INPP4B: variants seen among roughly 807,000 people sequenced by gnomAD.
The protein encoded by INPP4B is inositol polyphosphate-4-phosphatase type II B, also known as inositol polyphosphate 4-phosphatase type II.
Under a neutral mutation model 122.5 loss-of-function variants are expected in INPP4B, and 55 were observed. That is an observed-to-expected ratio of 0.45 (90% CI 0.36 to 0.56). The LOEUF is 0.56. Ranked by LOEUF, INPP4B falls within the 20% of genes least tolerant of loss-of-function variation. INPP4B has a pLI of 0.00. For synonymous variants in INPP4B, 403 were observed against 388.7 expected (o/e 1.04, Z -0.43); for missense variants, 1,000 against 1,097.7 (o/e 0.91, Z 1.26).
chr4:142,333,028 C>CAAA (rs1332980597), intron 7 of INPP4B, among the ~76,000 whole-genome samples: 1 of 125,044 alleles, frequency 8.0e-6, no homozygotes, highest in African/African-American at 3.3e-5. Flanking sequence ...AAAAAAAAAA[C>CAAA]AAAAAAAAAA....
rs77970428 is a variant in INPP4B, at chr4:142,436,823, G to A, written c.-126-5438C>T. Among the ~76,000 whole-genome samples the A allele has an allele frequency of 9.8e-4, 126 of 129,086 alleles. 3 individuals carry two copies. In the East Asian group the frequency reaches 0.026, roughly 26 times the overall value. 84.7% of individuals were successfully genotyped at this position (129,086 alleles called of 152,430 possible). On this transcript the variant is annotated intron_variant, in intron 3 of 25. Transcript: ENST00000262992. Reference sequence around the variant, plus strand: ...GAAAGAATCAATAAAAAAAAAAAAAGATGAAAACCCCAAAGGCCAGAGTGC... The same window carrying A: ...GAAAGAATCAATAAAAAAAAAAAAAAATGAAAACCCCAAAGGCCAGAGTGC...
intron 2 of INPP4B, among the ~76,000 whole-genome samples, chr4:142,653,209 T>C (rs1753393987): frequency 6.6e-6 from 1 of 152,136 alleles, no homozygotes; most frequent in Admixed American, 6.5e-5. Flanking sequence ...TTACACCTTA[T>C]ACAAAACTGA....
chr4:142,415,736 A>G (rs902021328), intron 5 of INPP4B, among the ~76,000 whole-genome samples: 1 of 152,226 alleles, frequency 6.6e-6, no homozygotes, highest in African/African-American at 2.4e-5. Flanking sequence ...CACAATAGCA[A>G]AGACTTGGAA....
At chr4:142,797,724 T>C (rs1177807743) in intron 1 of INPP4B, among the ~76,000 whole-genome samples, 1 of 151,882 alleles carries the variant, frequency 6.6e-6, no homozygotes, top group East Asian at 1.9e-4. Flanking sequence ...TATCATTAAA[T>C]GTTATAAAAT....
rs141448933 is a variant in INPP4B, at chr4:142,350,928, C to G, written c.373-36166G>C. Among the ~76,000 whole-genome samples, 509 of 152,078 alleles carry G rather than the reference C, an allele frequency of 3.3e-3. 5 individuals carry two copies. Among genetic ancestry groups the G allele is most frequent in the African/African-American group, 0.012 (486 of 41,534 alleles). On this transcript the variant is annotated intron_variant, in intron 7 of 25. Transcript: ENST00000262992. ...ATGGCTCTATGTTAGGCTCTTCTAA[C>G]AGGGAGCCCAGATGGAAACTGAAAA...
chr4:142,807,088 A>T (rs1778959985), intron 1 of INPP4B, among the ~76,000 whole-genome samples: 1 of 152,216 alleles, frequency 6.6e-6, no homozygotes, highest in African/African-American at 2.4e-5. Context: ...GTAAGCATCT[A>T]GAAATGATGC....
chr4:142,515,544 G>A (rs961452481), intron 2 of INPP4B, among the ~76,000 whole-genome samples: 2 of 152,086 alleles, frequency 1.3e-5, no homozygotes, highest in Admixed American at 6.5e-5. Flanking sequence ...ACTAAGTCCT[G>A]CACCCAAGGG....
intron 2 of INPP4B, among the ~76,000 whole-genome samples, chr4:142,510,933 T>A (rs974152342): frequency 7.2e-5 from 11 of 152,124 alleles, no homozygotes; most frequent in Non-Finnish European, 1.6e-4. Flanking sequence ...ATTTTTTACT[T>A]CCAAATTTTC....
chr4:142,528,935 T>C (rs1426726907), intron 2 of INPP4B, among the ~76,000 whole-genome samples: 3 of 152,146 alleles, frequency 2.0e-5, no homozygotes, highest in Admixed American at 1.3e-4. Context: ...TTACAGAATT[T>C]GAATATTTGA....
chr4:142,410,244 G>T (rs928528502), intron 5 of INPP4B, among the ~76,000 whole-genome samples: 1 of 152,204 alleles, frequency 6.6e-6, no homozygotes, highest in East Asian at 1.9e-4. Flanking sequence ...GACAAGGGGG[G>T]TGTCAACAAG....
At chr4:142,453,422 T>C (rs980294282) in intron 3 of INPP4B, among the ~76,000 whole-genome samples, 1 of 152,186 alleles carries the variant, frequency 6.6e-6, no homozygotes, top group African/African-American at 2.4e-5. Context: ...GACTAAATTG[T>C]CTATAGTTTC....
chr4:142,747,050 C>A (rs1025963373), intron 1 of INPP4B, among the ~76,000 whole-genome samples: 2 of 152,130 alleles, frequency 1.3e-5, no homozygotes, highest in African/African-American at 2.4e-5. Flanking sequence ...AGAGCTTCTG[C>A]ACAGTGAAAG....
At chr4:142,111,098 C>T (rs1789795823) in intron 22 of INPP4B, among the ~76,000 whole-genome samples, 1 of 152,030 alleles carries the variant, frequency 6.6e-6, no homozygotes, top group Non-Finnish European at 1.5e-5. Context: ...TAATCTAATC[C>T]TAGAAACTAG....
chr4:142,148,215 A>G (rs1314535288), intron 17 of INPP4B, among the ~76,000 whole-genome samples: 1 of 152,078 alleles, frequency 6.6e-6, no homozygotes, highest in Non-Finnish European at 1.5e-5. Context: ...GCTGTTGCCC[A>G]TGTTGAAAGG....
At chr4:142,735,382 A>T (rs1194628081) in intron 1 of INPP4B, among the ~76,000 whole-genome samples, 1 of 152,148 alleles carries the variant, frequency 6.6e-6, no homozygotes, top group African/African-American at 2.4e-5. Context: ...AAATTTTTAG[A>T]AATAACATTA....
At chr4:142,517,533 T>G (rs1397681050) in intron 2 of INPP4B, among the ~76,000 whole-genome samples, 1 of 152,184 alleles carries the variant, frequency 6.6e-6, no homozygotes, top group African/African-American at 2.4e-5. Context: ...GGTGCATCCT[T>G]GCACTCCCTT....
chr4:142,294,852 A>T (rs1277417157), intron 9 of INPP4B, among the ~76,000 whole-genome samples: 1 of 148,526 alleles, frequency 6.7e-6, no homozygotes, highest in Non-Finnish European at 1.5e-5. Context: ...AAAAAAAAAA[A>T]AAAAGGCAGA....
intron 17 of INPP4B, among the ~76,000 whole-genome samples, chr4:142,153,487 A>G (rs965490448): frequency 2.6e-5 from 4 of 152,202 alleles, no homozygotes; most frequent in Non-Finnish European, 5.9e-5. Context: ...GCAAGTTTGT[A>G]TATTCATTAT....
intron 2 of INPP4B, among the ~76,000 whole-genome samples, chr4:142,636,121 C>T (rs1749105253): frequency 6.6e-6 from 1 of 152,010 alleles, no homozygotes; most frequent in South Asian, 2.1e-4. Flanking sequence ...GGGGCTTCTC[C>T]TTTCACTCAG....
Sources: gnomAD v4.1 joint callset for allele counts (sites outside exome capture counted in the v4.1 genomes callset) on GRCh38, gnomAD v4.1.1 for gene constraint, MANE v1.5 for transcripts, NCBI Gene and HGNC (gene_info 2026-07-23, HGNC 2026-07-21) for gene names.